The following PTPRA variants were observed in gnomAD, a reference collection of about 807,000 sequenced individuals.
The protein encoded by PTPRA is receptor-type tyrosine-protein phosphatase alpha.
In PTPRA, 25 loss-of-function variants were observed where a neutral mutation model predicts 104.8. That is an observed-to-expected ratio of 0.24 (90% CI 0.17 to 0.33). The LOEUF is 0.33. Ranked by LOEUF, PTPRA falls within the 10% of genes least tolerant of loss-of-function variation. The pLI is 1.00. For synonymous variants in PTPRA, 323 were observed against 368.9 expected (o/e 0.88, Z 1.43); for missense variants, 765 against 1,015.3 (o/e 0.75, Z 3.35).
At chr20:2,867,611 C>G in the PTPRA span, among the ~76,000 whole-genome samples, 1 of 151,906 alleles carries the variant, frequency 6.6e-6, no homozygotes, top group Non-Finnish European at 1.5e-5. Context: ...CCTATCTAGC[C>G]TTCCCTTGGC....
chr20:2,915,819 A>G (rs2059884122), intron 1 of PTPRA, among the ~76,000 whole-genome samples: 1 of 152,052 alleles, frequency 6.6e-6, no homozygotes, highest in South Asian at 2.1e-4. Flanking sequence ...GCCCATCTCT[A>G]CTCAAATACA....
At chr20:2,878,462 G>T (rs1346708994) in intron 1 of PTPRA, among the ~76,000 whole-genome samples, 1 of 152,100 alleles carries the variant, frequency 6.6e-6, no homozygotes, top group African/African-American at 2.4e-5. Context: ...CACCCGCCTT[G>T]GCCTCCCAAA....
In PTPRA at chr20:2,923,270, A is replaced by G. The variant is rs1030689159; in HGVS notation, c.-65A>G. 1 of 1,286,618 alleles carries G rather than the reference A, an allele frequency of 7.8e-7. No individual in the cohort carries two copies. Among genetic ancestry groups the G allele is most frequent in the Non-Finnish European group, 1.0e-6 (1 of 987,582 alleles). 79.7% of individuals were successfully genotyped at this position (1,286,618 alleles called of 1,614,324 possible). A position where few individuals can be genotyped will look rare whatever the true frequency, so the allele number is the denominator to read the frequency against. ...TCCACTGAGTGGTAATGGATGATGC[A>G]GTTCAAATAACTAAGGTAAGAGAAA... On this transcript the variant is annotated 5_prime_UTR_variant, in exon 2 of 24. Transcript: ENST00000399903.
chr20:3,024,629 G>C lies in PTPRA; in HGVS notation c.1614+8G>C, dbSNP rs564656368. On this transcript the variant is annotated splice_region_variant and intron_variant, in intron 17 of 23. Transcript: ENST00000399903. ...TTAGAGGAGGAGTTTAAGGTGAGTT[G>C]GAGCTGGATAACCTCCTTCAGATTG... 6.2e-7 allele frequency: 1 copy of C among 1,614,058 alleles called. No individual in the cohort carries two copies. The highest frequency in any genetic ancestry group is 1.1e-5 in the South Asian group (1 of 91,066).
chr20:3,031,241 A>G (rs937858611), intron 20 of PTPRA, among the ~76,000 whole-genome samples: 1 of 152,080 alleles, frequency 6.6e-6, no homozygotes, highest in African/African-American at 2.4e-5. Context: ...AAGACATAAG[A>G]GACTTCATGC....
intron 1 of PTPRA, among the ~76,000 whole-genome samples, chr20:2,903,369 T>C (rs540771357): frequency 6.6e-6 from 1 of 152,288 alleles, no homozygotes; most frequent in South Asian, 2.1e-4. Flanking sequence ...TAGCAAATGT[T>C]GGCTATTCCA....
At chr20:2,872,551 T>C (rs544810268), upstream of PTPRA, among the ~76,000 whole-genome samples, 1 of 152,336 alleles carries the variant, frequency 6.6e-6, no homozygotes, top group Non-Finnish European at 1.5e-5. The surrounding 1 kb of genome is among the most constrained non-coding windows in gnomAD (Gnocchi z 7.9). Flanking sequence ...CTACTGGGGA[T>C]CACAACCCGG....
chr20:3,007,851 TA>T, intron 11 of PTPRA, among the ~76,000 whole-genome samples: 1 of 152,078 alleles, frequency 6.6e-6, no homozygotes, highest in African/African-American at 2.4e-5. Flanking sequence ...TATATATATA[TA>T]TATGACTATC....
Position 3,027,200 on chromosome 20 carries a change from A to G in PTPRA, c.1785+3A>G, listed in dbSNP as rs2065189026. 2 of 1,613,678 alleles carry G rather than the reference A, an allele frequency of 1.2e-6. No individual in the cohort carries two copies. The highest frequency in any genetic ancestry group is 1.7e-5 in the Admixed American group (1 of 60,006). ...ATGTGAACGCATCCTTTATTGATGT[A>G]AGTGGTGGGTGTGACCCCTGAGCCC... is the stretch of plus-strand genomic sequence containing the variant. On this transcript the variant is annotated splice_donor_region_variant and intron_variant, in intron 19 of 23. Transcript: ENST00000399903.
chr20:2,888,732 C>A (rs2058689954), intron 1 of PTPRA, among the ~76,000 whole-genome samples: 1 of 152,030 alleles, frequency 6.6e-6, no homozygotes, highest in Admixed American at 6.6e-5. Flanking sequence ...CTTTCCCTTT[C>A]CATAGGCATC....
chr20:3,012,821 A>G (rs989406596), intron 11 of PTPRA, among the ~76,000 whole-genome samples: 1 of 152,222 alleles, frequency 6.6e-6, no homozygotes, highest in Admixed American at 6.5e-5. Flanking sequence ...TATAATATAT[A>G]TAACATAAAA....
chr20:2,892,519 G>T (rs2058839334), intron 1 of PTPRA, among the ~76,000 whole-genome samples: 1 of 152,116 alleles, frequency 6.6e-6, no homozygotes, highest in Non-Finnish European at 1.5e-5. Flanking sequence ...TTCTCATGGT[G>T]CTGGGCAGAA....
intron 1 of PTPRA, among the ~76,000 whole-genome samples, chr20:2,910,588 TGTTTTTTTTTTG>T (rs1221926063): frequency 2.4e-4 from 22 of 92,700 alleles, no homozygotes; most frequent in African/African-American, 1.1e-3. Context: ...GTTTTTTTTT[TGTTTTTTTTTTG>T]TTTTTTTTAA....
Position 2,970,679 on chromosome 20 carries a change from G to A in PTPRA, c.416-4536G>A, listed in dbSNP as rs78111680. ...TTCTGCATTGCAGAAGATATCATTA[G>A]CTATTTTTAATTTTTTTAATTTAAA... On this transcript the variant is annotated intron_variant, in intron 5 of 23. Coordinates refer to ENST00000399903, the MANE Select transcript of PTPRA (RefSeq NM_001385305.1). 2.3e-3 allele frequency among the ~76,000 whole-genome samples: 355 copies of A among 152,252 alleles called. 1 individual carries two copies. In the Middle Eastern group the frequency reaches 0.024, roughly 10 times the overall value.
intron 1 of PTPRA, among the ~76,000 whole-genome samples, chr20:2,880,728 G>T (rs1022977909): frequency 2.0e-5 from 3 of 152,066 alleles, no homozygotes; most frequent in Non-Finnish European, 4.4e-5. Context: ...CCTTTTAATC[G>T]TATGTAGAAC....
At chr20:2,900,052 G>T (rs943374425) in intron 1 of PTPRA, among the ~76,000 whole-genome samples, 2 of 152,180 alleles carry the variant, frequency 1.3e-5, no homozygotes, top group African/African-American at 2.4e-5. Flanking sequence ...GGGGGCTGCA[G>T]TGAGCTGAGA....
In PTPRA at chr20:3,022,300, T is replaced by G; in HGVS notation, c.1328+80T>G. ...GAGCAGGGGAACAGCACAAGGGCCCTGGCTGAGGAGGCTGGCACAGAGTAG... is the reference window on the plus strand; with the variant it reads ...GAGCAGGGGAACAGCACAAGGGCCCGGGCTGAGGAGGCTGGCACAGAGTAG... On this transcript the variant is annotated intron_variant, in intron 15 of 23. Coordinates refer to ENST00000399903, the MANE Select transcript of PTPRA (RefSeq NM_001385305.1). This position sits in a 1 kb window ranked among gnomAD's most constrained non-coding sequence, Gnocchi z 4.6. 6.6e-7 allele frequency: 1 copy of G among 1,521,294 alleles called. No individual in the cohort carries two copies. Among genetic ancestry groups the G allele is most frequent in the Non-Finnish European group, 9.0e-7 (1 of 1,114,636 alleles). The allele number at this position is 1,521,294 out of a possible 1,614,324, so 94.2% of individuals were successfully genotyped here.
intron 2 of PTPRA, among the ~76,000 whole-genome samples, chr20:2,929,141 CAG>C (rs1239908509): frequency 6.6e-6 from 1 of 151,512 alleles, no homozygotes; most frequent in Non-Finnish European, 1.5e-5. Flanking sequence ...TTAGTAGAGA[CAG>C]GGTTTCACCA....
chr20:2,953,458 T>C (rs2061421464), intron 3 of PTPRA, among the ~76,000 whole-genome samples: 1 of 151,972 alleles, frequency 6.6e-6, no homozygotes, highest in African/African-American at 2.4e-5. Flanking sequence ...TTTCACTGTG[T>C]TAATCAGGAT....
Sources: allele counts gnomAD v4.1 joint callset (sites outside exome capture counted in the v4.1 genomes callset), GRCh38; gene constraint gnomAD v4.1.1; non-coding constraint Gnocchi (gnomAD v3.1); transcripts MANE v1.5; gene names NCBI Gene and HGNC (gene_info 2026-07-23, HGNC 2026-07-21).